The following THSD4 variants were observed in gnomAD, a reference collection of about 807,000 sequenced individuals.
The protein encoded by THSD4 is thrombospondin type 1 domain containing 4.
THSD4 carries 69 observed loss-of-function variants against 119.0 expected under a neutral mutation model. That is an observed-to-expected ratio of 0.58 (90% CI 0.48 to 0.71). The LOEUF (loss-of-function observed/expected upper bound fraction) is 0.71. THSD4 is among the 30% of genes least tolerant of loss of function. The pLI, the probability that THSD4 is intolerant of heterozygous loss-of-function variation, is 0.00. For missense variants in THSD4, 1,393 were observed against 1,391.1 expected, an observed-to-expected ratio of 1.00 and a Z score of -0.02; for synonymous variants, 524 against 540.4, an observed-to-expected ratio of 0.97 and a Z score of 0.42.
At chr15:71,356,619 A>AAGGC (rs1199372269) in intron 6 of THSD4, among the ~76,000 whole-genome samples, 1 of 151,986 alleles carries the variant, frequency 6.6e-6, no homozygotes, top group African/African-American at 2.4e-5. Flanking sequence ...AGAGTGAAGG[A>AAGGC]AGGCAGGGAG....
At chr15:71,350,255 A>C (rs1330329657) in intron 6 of THSD4, among the ~76,000 whole-genome samples, 1 of 152,074 alleles carries the variant, frequency 6.6e-6, no homozygotes, top group Non-Finnish European at 1.5e-5. Flanking sequence ...ACATTTACTC[A>C]CTAAAAATAT....
At chr15:71,565,319 A>G (rs528723899) in intron 7 of THSD4, among the ~76,000 whole-genome samples, 5 of 152,346 alleles carry the variant, frequency 3.3e-5, no homozygotes, top group South Asian at 2.1e-4. Context: ...GGTAAAAATC[A>G]TAAGCGATAA....
intron 8 of THSD4, among the ~76,000 whole-genome samples, chr15:71,714,854 C>T (rs1011067745): frequency 6.6e-6 from 1 of 152,106 alleles, no homozygotes; most frequent in Admixed American, 6.6e-5. Flanking sequence ...ACATAACAAT[C>T]CTGCACGTGT....
chr15:71,749,567 TA>T (rs1448284952), intron 14 of THSD4, among the ~76,000 whole-genome samples: 1 of 152,214 alleles, frequency 6.6e-6, no homozygotes. Flanking sequence ...CTTCCCTTGC[TA>T]GAATCCCGTG....
intron 7 of THSD4, among the ~76,000 whole-genome samples, chr15:71,611,790 T>C (rs971015842): frequency 1.3e-5 from 2 of 152,158 alleles, no homozygotes; most frequent in African/African-American, 4.8e-5. Context: ...ACAGCATGGG[T>C]GAAAGCCCTG....
chr15:71,377,912 A>C (rs372484230), intron 6 of THSD4, among the ~76,000 whole-genome samples: 4 of 25,264 alleles, frequency 1.6e-4, no homozygotes, highest in South Asian at 9.7e-4. Flanking sequence ...ACACACACAC[A>C]CAATTTCCTT....
At position 71,108,285 on chromosome 15, in the gene THSD4, G is replaced by C. The variant is rs144521250; in HGVS notation, c.-80+11279G>C. Among the ~76,000 whole-genome samples, 69 of 152,344 alleles carry C rather than the reference G, an allele frequency of 4.5e-4. No individual in the cohort carries two copies. The Middle Eastern group carries it at 0.014, about 30-fold the overall frequency. ...AGAAGATGAATTCTGGCAAGAGGCTGAGTTCTGGAAAGCGGCATGAATAGT... is the reference window on the plus strand; with the variant it reads ...AGAAGATGAATTCTGGCAAGAGGCTCAGTTCTGGAAAGCGGCATGAATAGT... On this transcript the variant is annotated intron_variant, in intron 1 of 17. Transcript: ENST00000355327.
chr15:71,207,567 G>C (rs999189537), intron 3 of THSD4, among the ~76,000 whole-genome samples: 1 of 152,204 alleles, frequency 6.6e-6, no homozygotes, highest in Non-Finnish European at 1.5e-5. Context: ...CCTGGGCTGT[G>C]GACCAGTACT....
intron 10 of THSD4, chr15:71,733,910 CA>C (rs773198822): frequency 0.14 from 10,480 of 74,288 alleles, 360 homozygotes; most frequent in Middle Eastern, 0.22. Context: ...ACTCTGTCTC[CA>C]AAAAAAAAAA....
chr15:71,282,405 A>G (rs1409268601), intron 6 of THSD4, among the ~76,000 whole-genome samples: 2 of 79,574 alleles, frequency 2.5e-5, no homozygotes, highest in African/African-American at 7.9e-5. Flanking sequence ...TAAAATTTAA[A>G]AAAGGAAGAA....
intron 7 of THSD4, among the ~76,000 whole-genome samples, chr15:71,592,248 T>G (rs2049821290): frequency 6.6e-6 from 1 of 152,198 alleles, no homozygotes; most frequent in South Asian, 2.1e-4. Flanking sequence ...CATTTGAGGT[T>G]CTTGACAGTT....
intron 7 of THSD4, among the ~76,000 whole-genome samples, chr15:71,600,624 A>C (rs543459991): frequency 1.8e-4 from 27 of 152,326 alleles, no homozygotes; most frequent in African/African-American, 5.8e-4. Context: ...ATGACAATTA[A>C]AGTAGTAACA....
At chr15:71,629,948 G>A (rs2050590753) in intron 7 of THSD4, among the ~76,000 whole-genome samples, 2 of 152,154 alleles carry the variant, frequency 1.3e-5, no homozygotes, top group South Asian at 4.1e-4. Context: ...AAGCCACGTG[G>A]CCAGGCCCTT....
chr15:71,629,748 C>T (rs1004727611), intron 7 of THSD4, among the ~76,000 whole-genome samples: 6 of 152,178 alleles, frequency 3.9e-5, no homozygotes, highest in African/African-American at 1.4e-4. Flanking sequence ...GTTTATTTAC[C>T]TCCCTTGCCC....
rs1275450117 is a variant in THSD4, at chr15:71,539,977, A to G, written c.1153-120553A>G. Among the ~76,000 whole-genome samples the G allele has an allele frequency of 2.0e-5, 3 of 152,312 alleles. No individual in the cohort carries two copies. In the East Asian group the frequency reaches 5.8e-4, roughly 29 times the overall value. ...AGATAATCAGAGGATATCTGGAGACAGAAGCCAGGGCAGTGCCCTCAGCTT... is the reference window on the plus strand; with the variant it reads ...AGATAATCAGAGGATATCTGGAGACGGAAGCCAGGGCAGTGCCCTCAGCTT... On this transcript the variant is annotated intron_variant, in intron 7 of 17. Coordinates refer to ENST00000261862, the MANE Select transcript of THSD4 (RefSeq NM_024817.3).
At position 71,780,522 on chromosome 15, in the gene THSD4, AC is replaced by A. The variant is rs541933590; in HGVS notation, c.*3149del. 4.0e-3 allele frequency: 1,255 copies of A among 310,658 alleles called. 19 individuals carry two copies. Among genetic ancestry groups the A allele is most frequent in the African/African-American group, 0.025 (1,162 of 46,498 alleles). 19.2% of individuals were successfully genotyped at this position (310,658 alleles called of 1,614,324 possible). A position where few individuals can be genotyped will look rare whatever the true frequency, so the allele number is the denominator to read the frequency against. On this transcript the variant is annotated 3_prime_UTR_variant, in exon 18 of 18. Transcript: ENST00000261862. Reference sequence around the variant, plus strand: ...TGGCCTAAGAAATACAACTAAAAAAACAAACAAAAACACCAAAAGAAAAAAA... The same window carrying A: ...TGGCCTAAGAAATACAACTAAAAAAAAAACAAAAACACCAAAAGAAAAAAA...
chr15:71,710,588 A>G (rs563020341), intron 8 of THSD4, among the ~76,000 whole-genome samples: 1 of 152,242 alleles, frequency 6.6e-6, no homozygotes, highest in Non-Finnish European at 1.5e-5. Flanking sequence ...AGGATGTAAG[A>G]CCCACCTCAT....
chr15:71,598,518 G>A (rs920057689), intron 7 of THSD4, among the ~76,000 whole-genome samples: 2 of 152,146 alleles, frequency 1.3e-5, no homozygotes, highest in African/African-American at 2.4e-5. Flanking sequence ...TTTTGCAGAC[G>A]TCATTTCTCC....
In THSD4 at chr15:71,777,260, C is replaced by G; in HGVS notation, c.2943C>G (p.Asn981Lys). The change falls in exon 18 of 18, where the codon AAC becomes AAG. Residue 981 changes from asparagine to lysine, a missense_variant. Transcript: ENST00000261862. ...VDENCKDKYY[N>K]CNVVVQARLC... Reference sequence around the variant, plus strand: ...AAAACTGCAAGGACAAGTACTACAACTGCAACGTGGTGGTCCAGGCAAGAC... The same window carrying G: ...AAAACTGCAAGGACAAGTACTACAAGTGCAACGTGGTGGTCCAGGCAAGAC... 6.2e-7 allele frequency: 1 copy of G among 1,614,234 alleles called. No individual in the cohort carries two copies. Among genetic ancestry groups the G allele is most frequent in the Non-Finnish European group, 8.5e-7 (1 of 1,180,040 alleles).
Sources: gnomAD v4.1 joint callset for allele counts (sites outside exome capture counted in the v4.1 genomes callset) on GRCh38, gnomAD v4.1.1 for gene constraint, MANE v1.5 for transcripts, NCBI Gene and HGNC (gene_info 2026-07-23, HGNC 2026-07-21) for gene names.